PCP4: variants seen among roughly 807,000 people sequenced by gnomAD.
PCP4 encodes calmodulin regulator protein PCP4.
PCP4 carries 8 observed loss-of-function variants against 10.0 expected under a neutral mutation model. The ratio of observed to expected loss-of-function variants is 0.80; its 90% confidence interval spans 0.47 to 1.45. The LOEUF (loss-of-function observed/expected upper bound fraction) is 1.45, where lower values mean the gene tolerates loss of function less well. PCP4 is among the 40% of genes most tolerant of loss of function. The pLI is 0.00. For synonymous variants in PCP4, 21 were observed against 23.0 expected (o/e 0.91, Z 0.24); for missense variants, 54 against 74.4 (o/e 0.73, Z 1.01).
chr21:39,881,145 A>G (rs1350141293), intron 1 of PCP4, among the ~76,000 whole-genome samples: 1 of 152,148 alleles, frequency 6.6e-6, no homozygotes, highest in Non-Finnish European at 1.5e-5. Context: ...CTGATTTAGG[A>G]CAAAACATTC....
At chr21:39,905,587 C>G (rs1463685101) in intron 2 of PCP4, among the ~76,000 whole-genome samples, 1 of 152,070 alleles carries the variant, frequency 6.6e-6, no homozygotes, top group African/African-American at 2.4e-5. Flanking sequence ...GTTTGTTTTG[C>G]CCTTCAGAGT....
At chr21:39,903,240 T>C (rs906182507) in intron 2 of PCP4, among the ~76,000 whole-genome samples, 2 of 152,194 alleles carry the variant, frequency 1.3e-5, no homozygotes, top group African/African-American at 4.8e-5. Context: ...CCAAGCTAAA[T>C]TGAATTTCTA....
intron 1 of PCP4, among the ~76,000 whole-genome samples, chr21:39,879,513 A>G (rs1443341463): frequency 6.6e-6 from 1 of 152,152 alleles, no homozygotes; most frequent in Admixed American, 6.5e-5. Context: ...GTTCCCCCAC[A>G]GTTGCATTTT....
chr21:39,886,825 T>C (rs1210192348), intron 1 of PCP4, among the ~76,000 whole-genome samples: 3 of 152,334 alleles, frequency 2.0e-5, no homozygotes, highest in Admixed American at 6.5e-5. Context: ...AAAGAGAGAC[T>C]ATATATATGT....
chr21:39,888,028 G>C (rs1433381585), intron 1 of PCP4, among the ~76,000 whole-genome samples: 1 of 152,134 alleles, frequency 6.6e-6, no homozygotes, highest in East Asian at 1.9e-4. Context: ...GATCCATCTA[G>C]GGAACTGCTT....
chr21:39,891,995 C>G (rs1362064770), intron 1 of PCP4, among the ~76,000 whole-genome samples: 1 of 152,216 alleles, frequency 6.6e-6, no homozygotes, highest in Non-Finnish European at 1.5e-5. Flanking sequence ...GCAGGCAGGC[C>G]TGGATAATAT....
chr21:39,870,457 A>G (rs1445081187), intron 1 of PCP4, among the ~76,000 whole-genome samples: 1 of 152,190 alleles, frequency 6.6e-6, no homozygotes, highest in African/African-American at 2.4e-5. Flanking sequence ...AATCTTAACC[A>G]TCACAGCCTC....
chr21:39,874,684 A>G (rs1257274326), intron 1 of PCP4, among the ~76,000 whole-genome samples: 5 of 150,396 alleles, frequency 3.3e-5, no homozygotes, highest in Non-Finnish European at 5.9e-5. Context: ...CTAAAAAACA[A>G]TACAAGCATC....
intron 2 of PCP4, among the ~76,000 whole-genome samples, chr21:39,900,116 C>T (rs2087475839): frequency 1.3e-5 from 2 of 152,122 alleles, no homozygotes; most frequent in Admixed American, 6.5e-5. Context: ...CTCACTGCAA[C>T]GTCTGCCTCC....
intron 2 of PCP4, among the ~76,000 whole-genome samples, chr21:39,910,373 A>C (rs988324609): frequency 1.3e-5 from 2 of 152,032 alleles, no homozygotes; most frequent in African/African-American, 4.8e-5. Context: ...CTCTCACCCA[A>C]CCTTTCTTAC....
intron 1 of PCP4, among the ~76,000 whole-genome samples, chr21:39,885,853 G>A (rs752753023): frequency 2.0e-5 from 3 of 152,176 alleles, no homozygotes; most frequent in Admixed American, 6.5e-5. Context: ...ATTAGTCTGC[G>A]GGCAGCTTAA....
intron 2 of PCP4, chr21:39,916,246 C>T (rs979058581): frequency 3.7e-4 from 56 of 152,134 alleles, no homozygotes; most frequent in African/African-American, 1.3e-3. Context: ...AAGTTATTCT[C>T]GAGTAAATAT....
chr21:39,920,834 C>G (rs967794393), intron 2 of PCP4, among the ~76,000 whole-genome samples: 2 of 152,192 alleles, frequency 1.3e-5, no homozygotes, highest in Non-Finnish European at 2.9e-5. Flanking sequence ...AGTGCTATTT[C>G]CCACCATCCG....
At chr21:39,910,513 G>A (rs2087534458) in intron 2 of PCP4, among the ~76,000 whole-genome samples, 1 of 152,150 alleles carries the variant, frequency 6.6e-6, no homozygotes. Flanking sequence ...CTTTGAAAAT[G>A]GGCCAGGCCA....
At chr21:39,875,430 C>A (rs935481131) in intron 1 of PCP4, among the ~76,000 whole-genome samples, 16 of 152,042 alleles carry the variant, frequency 1.1e-4, no homozygotes, top group African/African-American at 3.9e-4. Context: ...CCAAGACGGG[C>A]GATGGTGTGG....
intron 1 of PCP4, among the ~76,000 whole-genome samples, chr21:39,896,555 A>C (rs1269489045): frequency 2.6e-5 from 4 of 152,246 alleles, no homozygotes; most frequent in Non-Finnish European, 5.9e-5. Context: ...GATTTAAATC[A>C]TTTTACATTG....
At chr21:39,874,590 A>G (rs960612597) in intron 1 of PCP4, among the ~76,000 whole-genome samples, 1 of 152,166 alleles carries the variant, frequency 6.6e-6, no homozygotes, top group Non-Finnish European at 1.5e-5. Flanking sequence ...AAATAAGAGT[A>G]AAAATATAAC....
rs1315624388 is a variant in PCP4 at position 39,898,038 on chromosome 21, T to G, written c.10-438T>G. ...TCCAGCCTGGATGACAGAGCCAGACTCAGTCTCAAAAAAAAAAAAAAAAAA... is the reference window on the plus strand; with the variant it reads ...TCCAGCCTGGATGACAGAGCCAGACGCAGTCTCAAAAAAAAAAAAAAAAAA... On this transcript the variant is annotated intron_variant, in intron 1 of 2. Coordinates refer to ENST00000328619, the MANE Select transcript of PCP4 (RefSeq NM_006198.3). Among the ~76,000 whole-genome samples, 4 of 99,510 alleles carry G rather than the reference T, an allele frequency of 4.0e-5. No homozygotes were observed. In the Admixed American group the frequency reaches 5.7e-4, roughly 14 times the overall value. The allele number at this position is 99,510 out of a possible 152,430, so 65.3% of individuals were successfully genotyped here.
chr21:39,929,174 T>G lies in PCP4; in HGVS notation c.*63T>G. The G allele has an allele frequency of 6.5e-7, 1 of 1,534,366 alleles. No homozygotes were observed. On this transcript the variant is annotated 3_prime_UTR_variant, in exon 3 of 3. Transcript: ENST00000328619. Reference sequence around the variant, plus strand: ...ATTCAACCATCATCTGTCAAGAAATTAAAAGAACAACACCCTAGAGAGAAG... The same window carrying G: ...ATTCAACCATCATCTGTCAAGAAATGAAAAGAACAACACCCTAGAGAGAAG...
Sources: gnomAD v4.1 joint callset for allele counts (sites outside exome capture counted in the v4.1 genomes callset) on GRCh38, gnomAD v4.1.1 for gene constraint, MANE v1.5 for transcripts, NCBI Gene and HGNC (gene_info 2026-07-23, HGNC 2026-07-21) for gene names.